The following ZNF473 variants were observed in gnomAD, a reference collection of about 807,000 sequenced individuals.
ZNF473 encodes the protein zinc finger protein 100 homolog.
Under a neutral mutation model 11.1 loss-of-function variants are expected in ZNF473, and 4 were observed. The observed-to-expected ratio is 0.36, with a 90% CI of 0.18 to 0.82. The LOEUF is 0.82. ZNF473 is among the 40% of genes least tolerant of loss of function. The pLI is 0.49. For synonymous variants in ZNF473, 404 were observed against 390.4 expected (o/e 1.03, Z -0.41); for missense variants, 854 against 1,084.0 (o/e 0.79, Z 2.98).
chr19:50,041,651 A>G, intron 3 of ZNF473, 79 bp from the exon 4 acceptor site: 1 of 1,276,788 alleles, frequency 7.8e-7, no homozygotes, highest in Non-Finnish European at 1.1e-6. Context: ...AAAAGTCAGG[A>G]GAGCCAGGAG....
chr19:50,037,197 C>T (rs1978495095), intron 2 of ZNF473, among the ~76,000 whole-genome samples: 1 of 152,160 alleles, frequency 6.6e-6, no homozygotes, highest in Non-Finnish European at 1.5e-5. Flanking sequence ...CAGTCACCTC[C>T]CAGCAGTATT....
chr19:50,045,260 A>C lies in ZNF473; in HGVS notation c.817A>C (p.Thr273Pro). 6.2e-7 allele frequency: 1 copy of C among 1,614,192 alleles called. No individual in the cohort carries two copies. Among genetic ancestry groups the C allele is most frequent in the South Asian group, 1.1e-5 (1 of 91,088 alleles). ...KFYVCNEYGT[T>P]FSQSTYLWHQ... ...CTATGTGTGTAATGAATATGGGACAACTTTTAGTCAGAGTACATACCTGTG... is the reference window on the plus strand; with the variant it reads ...CTATGTGTGTAATGAATATGGGACACCTTTTAGTCAGAGTACATACCTGTG... The change falls in exon 5 of 5, where the codon ACT (threonine) becomes CCT (proline). Residue 273 changes from threonine to proline, a missense_variant. Coordinates refer to ENST00000270617, the MANE Select transcript of ZNF473 (RefSeq NM_015428.4).
intron 4 of ZNF473, among the ~76,000 whole-genome samples, chr19:50,043,703 T>C (rs1394633270): frequency 3.3e-5 from 5 of 152,006 alleles, no homozygotes; most frequent in Non-Finnish European, 5.9e-5. Flanking sequence ...GAACTTACCT[T>C]CTGGTAAGGG....
intron 1 of ZNF473, among the ~76,000 whole-genome samples, chr19:50,029,606 A>G (rs986832195): frequency 6.6e-6 from 1 of 152,226 alleles, no homozygotes; most frequent in Non-Finnish European, 1.5e-5. Flanking sequence ...AAATGCTTTC[A>G]GCACTCCGCA....
Position 50,046,708 on chromosome 19 carries a change from A to G in ZNF473, c.2265A>G (p.Glu755=), listed in dbSNP as rs769377193. 4 of 1,614,028 alleles carry G rather than the reference A, an allele frequency of 2.5e-6. No homozygotes were observed. The South Asian group carries it at 3.3e-5, about 13-fold the overall frequency. ...GCCACCAGAGAATTCACACTGGAGA[A>G]AAGCCTTATGTTTGTCAGGAATGCG... ...LVRHQRIHTG[E]KPYVCQECGK... Residue 755 remains glutamate, a synonymous_variant, in exon 5 of 5, where the codon GAA becomes GAG. Transcript: ENST00000270617. The surrounding 1 kb of genome is among the most constrained non-coding windows in gnomAD (Gnocchi z 5.9).
chr19:50,027,969 A>G (rs2077295962), intron 1 of ZNF473, among the ~76,000 whole-genome samples: 1 of 152,092 alleles, frequency 6.6e-6, no homozygotes, highest in Admixed American at 6.5e-5. Context: ...GATGGCAGGC[A>G]TGAGCCACTG....
chr19:50,044,825 G>A lies in ZNF473; in HGVS notation c.382G>A (p.Asp128Asn), dbSNP rs555404187. ...CACCTGGTTAGATAGTTTGCTAGGC[G>A]ATCCAGAAAGTCTTCTGAGGTCTGA... ...EDTWLDSLLG[D>N]PESLLRSDIA... Residue 128 changes from aspartate to asparagine, a missense_variant, in exon 5 of 5, where the codon GAT becomes AAT. By Grantham distance (23) the Asp-to-Asn change is conservative. Around this residue, in one of 2 missense-constraint regions of ZNF473, gnomAD observed 668 missense variants for 790.2 expected, o/e 0.85. Coordinates refer to ENST00000270617, the MANE Select transcript of ZNF473 (RefSeq NM_015428.4). 2.2e-4 allele frequency: 350 copies of A among 1,614,244 alleles called. 5 individuals are homozygous for A. The South Asian group carries it at 3.5e-3, about 16-fold the overall frequency.
In ZNF473 at chr19:50,039,193, C is replaced by T; in HGVS notation, c.42C>T (p.Asp14=). 1 of 1,614,202 alleles carries T rather than the reference C, an allele frequency of 6.2e-7. No individual in the cohort carries two copies. The highest frequency in any genetic ancestry group is 8.5e-7 in the Non-Finnish European group (1 of 1,180,016). The change falls in exon 3 of 5, where the codon GAC becomes GAT. Residue 14 remains aspartate (D), a synonymous_variant. Coordinates refer to ENST00000270617, the MANE Select transcript of ZNF473 (RefSeq NM_015428.4). This position sits in a 1 kb window ranked among gnomAD's most constrained non-coding sequence, Gnocchi z 4.8. ...TGACCCTCAAGGATGTCGGCATGGA[C>T]TTCACCTTGGGAGACTGGGAGCAGC... is the stretch of plus-strand genomic sequence containing the variant. ...EFVTLKDVGM[D]FTLGDWEQLG... is the part of the protein sequence containing the mutation.
In ZNF473 at chr19:50,045,890, G is replaced by T; in HGVS notation, c.1447G>T (p.Ala483Ser). 1 of 1,614,056 alleles carries T rather than the reference G, an allele frequency of 6.2e-7. No homozygotes were observed. Among genetic ancestry groups the T allele is most frequent in the South Asian group, 1.1e-5 (1 of 91,066 alleles). ...HLMRHQAIHTAEKPYSCAECK... is the reference protein window; with the variant it reads ...HLMRHQAIHTSEKPYSCAECK... ...GATGCGACATCAGGCCATTCACACC[G>T]CAGAAAAGCCCTATAGCTGTGCTGA... The change falls in exon 5 of 5, where the codon GCA becomes TCA. Residue 483 changes from alanine to serine, a missense_variant. This residue lies in a region of ZNF473 where 668 missense variants were observed against 790.2 expected (regional missense o/e 0.85). Coordinates refer to ENST00000270617, the MANE Select transcript of ZNF473 (RefSeq NM_015428.4).
At chr19:50,028,222 C>CG (rs1385440232) in intron 1 of ZNF473, among the ~76,000 whole-genome samples, 3 of 148,064 alleles carry the variant, frequency 2.0e-5, no homozygotes, top group Non-Finnish European at 4.4e-5. Context: ...GGCATGAGCC[C>CG]GGGAGGCAGA....
rs534907564 is a variant in ZNF473 at position 50,033,549 on chromosome 19, C to T, written c.9+2458C>T. On this transcript the variant is annotated intron_variant, in intron 2 of 4. Coordinates refer to ENST00000270617, the MANE Select transcript of ZNF473 (RefSeq NM_015428.4). ...CCACCCAATTCCTGCTTAGCATCAC[C>T]ACTGGGACGACTGTTTCAGGGTCTT... is the stretch of plus-strand genomic sequence containing the variant. Among the ~76,000 whole-genome samples the T allele has an allele frequency of 5.3e-5, 8 of 152,260 alleles. No homozygotes were observed. The South Asian group carries it at 1.7e-3, about 32-fold the overall frequency.
Position 50,039,805 on chromosome 19 carries a change from C to T in ZNF473, c.136+518C>T, listed in dbSNP as rs1978673153. ...ATACCTCCTCTCCTACTCATCTTGT[C>T]TGTCGCTCCCTCACGTTCTAACTAC... is the stretch of plus-strand genomic sequence containing the variant. On this transcript the variant is annotated intron_variant, in intron 3 of 4. Transcript: ENST00000270617. The surrounding 1 kb of genome is among the most constrained non-coding windows in gnomAD (Gnocchi z 4.8). Among the ~76,000 whole-genome samples, 1 of 152,238 alleles carries T rather than the reference C, an allele frequency of 6.6e-6. No homozygotes were observed. Among genetic ancestry groups the T allele is most frequent in the Non-Finnish European group, 1.5e-5 (1 of 68,038 alleles).
intron 4 of ZNF473, chr19:50,042,023 C>G (rs1978806742): frequency 1.6e-5 from 7 of 445,892 alleles, no homozygotes; most frequent in Non-Finnish European, 2.8e-5. Context: ...TCTGGGGTCT[C>G]TCTACCTTGC....
At chr19:50,032,354 A>G (rs774146489) in intron 2 of ZNF473, among the ~76,000 whole-genome samples, 15 of 151,848 alleles carry the variant, frequency 9.9e-5, no homozygotes, top group Non-Finnish European at 2.1e-4. Context: ...ACTATTAATT[A>G]TATAACCAAA....
In ZNF473 at chr19:50,046,870, A is replaced by G. The variant is rs11881187; in HGVS notation, c.2427A>G (p.Thr809=). Reference sequence around the variant, plus strand: ...TAACACAGCACCAGAGAATTCACACAGGGGAGAAGCCTTACTCCTGTAATG... The same window carrying G: ...TAACACAGCACCAGAGAATTCACACGGGGGAGAAGCCTTACTCCTGTAATG... The part of the protein sequence containing the change: ...ANLTQHQRIH[T]GEKPYSCNVC... Residue 809 remains threonine (T), a synonymous_variant, in exon 5 of 5, where the codon ACA becomes ACG. Transcript: ENST00000270617. The surrounding 1 kb of genome is among the most constrained non-coding windows in gnomAD (Gnocchi z 5.9). 15,948 of 1,614,144 alleles carry G rather than the reference A, an allele frequency of 9.9e-3. 1,372 individuals are homozygous for G. In the African/African-American group the frequency reaches 0.19, roughly 19 times the overall value.
chr19:50,030,821 G>A, intron 1 of ZNF473, 71 bp from the exon 2 acceptor site: 1 of 559,580 alleles, frequency 1.8e-6, no homozygotes, highest in Non-Finnish European at 3.2e-6. Flanking sequence ...CTGTTCTGTA[G>A]GTTCTGAAGC....
chr19:50,028,515 A>T (rs199779429), intron 1 of ZNF473, among the ~76,000 whole-genome samples: 1 of 146,442 alleles, frequency 6.8e-6, no homozygotes, highest in African/African-American at 2.5e-5. Flanking sequence ...CTCATTTTTA[A>T]TTTTTTTTTT....
chr19:50,041,873 C>T (rs538141944), intron 4 of ZNF473, 54 bp downstream of exon 4: 2 of 1,435,464 alleles, frequency 1.4e-6, no homozygotes, highest in East Asian at 2.4e-5. Context: ...AGACCTCCAT[C>T]CTGAGGCTGC....
chr19:50,045,808 C>T lies in ZNF473; in HGVS notation c.1365C>T (p.Gly455=). ...HLNEHRRIHT[G]YRPHKCQECV... is the part of the protein sequence containing the mutation. Reference sequence around the variant, plus strand: ...ATGAACATCGGCGAATTCATACAGGCTACAGACCCCACAAATGTCAGGAAT... The same window carrying T: ...ATGAACATCGGCGAATTCATACAGGTTACAGACCCCACAAATGTCAGGAAT... Residue 455 remains glycine (G), a synonymous_variant, in exon 5 of 5, where the codon GGC becomes GGT. Coordinates refer to ENST00000270617, the MANE Select transcript of ZNF473 (RefSeq NM_015428.4). 1 of 1,614,110 alleles carries T rather than the reference C, an allele frequency of 6.2e-7. No individual in the cohort carries two copies.
Sources: allele counts gnomAD v4.1 joint callset (sites outside exome capture counted in the v4.1 genomes callset), GRCh38; gene constraint gnomAD v4.1.1; regional missense constraint gnomAD v4.1.1; non-coding constraint Gnocchi (gnomAD v3.1); transcripts MANE v1.5; gene names NCBI Gene and HGNC (gene_info 2026-07-23, HGNC 2026-07-21).